USP15: variants seen among roughly 807,000 people sequenced by gnomAD.
USP15 encodes ubiquitin specific peptidase 15.
A neutral mutation model predicts 127.1 loss-of-function variants in USP15; 18 were observed. That is an observed-to-expected ratio of 0.14 (90% CI 0.10 to 0.21). USP15 has a LOEUF of 0.21. Among genes scored for constraint, USP15 ranks in the 10% least tolerant of loss-of-function variants. The probability of loss-of-function intolerance (pLI) is 1.00; values close to 1 mark genes in which losing one functional copy is unlikely to be tolerated. For synonymous variants in USP15, 364 were observed against 393.7 expected, an observed-to-expected ratio of 0.92 and a Z score of 0.89; for missense variants, 805 against 1,159.9, an observed-to-expected ratio of 0.69 and a Z score of 4.44.
intron 1 of USP15, among the ~76,000 whole-genome samples, chr12:62,280,668 C>G (rs2137089902): frequency 6.6e-6 from 1 of 152,184 alleles, no homozygotes; most frequent in East Asian, 1.9e-4. Flanking sequence ...AACATTAATT[C>G]TGGGGGAGGA....
intron 8 of USP15, among the ~76,000 whole-genome samples, chr12:62,380,240 GA>G (rs2066949256): frequency 6.6e-6 from 1 of 151,724 alleles, no homozygotes; most frequent in Admixed American, 6.6e-5. Flanking sequence ...TTATTATATA[GA>G]AAGTTTCTAA....
At chr12:62,381,798 A>G in intron 9 of USP15, 135 bp downstream of exon 9, 1 of 704,374 alleles carries the variant, frequency 1.4e-6, no homozygotes. Context: ...ACATAAATAG[A>G]TATACAGTAC....
rs539250399 is a variant in USP15 at position 62,331,778 on chromosome 12, C to CA, written c.683+5853dup. ...TTTAAAACATGTAGTCATTTAGTTA[C>CA]AAAAAAAATATGTGTATATGCTTTT... is the stretch of plus-strand genomic sequence containing the variant. On this transcript the variant is annotated intron_variant, in intron 6 of 21. Transcript: ENST00000280377. 2.8e-3 allele frequency among the ~76,000 whole-genome samples: 432 copies of CA among 151,750 alleles called. 1 individual carries two copies. Among genetic ancestry groups the CA allele is most frequent in the African/African-American group, 9.7e-3 (403 of 41,418 alleles).
chr12:62,282,970 C>A (rs915003715), intron 1 of USP15, among the ~76,000 whole-genome samples: 19 of 152,058 alleles, frequency 1.2e-4, no homozygotes, highest in Non-Finnish European at 1.0e-4. Context: ...TTAATGTTAT[C>A]TCAAGTCCAT....
chr12:62,330,173 TAGG>T (rs1230086497), intron 6 of USP15, among the ~76,000 whole-genome samples: 14 of 151,590 alleles, frequency 9.2e-5, no homozygotes, highest in Admixed American at 5.3e-4. Flanking sequence ...GTAGAGATAA[TAGG>T]AGGAAAGAGG....
At chr12:62,390,276 T>A (rs1241059014) in intron 14 of USP15, among the ~76,000 whole-genome samples, 1 of 152,192 alleles carries the variant, frequency 6.6e-6, no homozygotes, top group Non-Finnish European at 1.5e-5. Context: ...ATGTGTTACA[T>A]GTTCATTCTG....
rs750017498 is a variant in USP15, at chr12:62,404,414, T to C, written c.*39T>C. 1 of 1,512,032 alleles carries C rather than the reference T, an allele frequency of 6.6e-7. No homozygotes were observed. Among genetic ancestry groups the C allele is most frequent in the Non-Finnish European group, 8.9e-7 (1 of 1,126,960 alleles). The allele number at this position is 1,512,032 out of a possible 1,614,324, so 93.7% of individuals were successfully genotyped here. ...AGCCATAAAAGAGACACTTTCCTGC[T>C]GGTGGTATCTATGGAAATGATGAAG... is the stretch of plus-strand genomic sequence containing the variant. On this transcript the variant is annotated 3_prime_UTR_variant, in exon 22 of 22. Coordinates refer to ENST00000280377, the MANE Select transcript of USP15 (RefSeq NM_001252078.2).
chr12:62,280,683 C>CA (rs1386876935), intron 1 of USP15, among the ~76,000 whole-genome samples: 5 of 152,102 alleles, frequency 3.3e-5, no homozygotes, highest in Admixed American at 6.5e-5. Flanking sequence ...GGAGGAGACA[C>CA]ACGCATTCAG....
At chr12:62,392,948 C>T (rs2067370358) in intron 18 of USP15, 105 bp from the exon 19 acceptor site, 11 of 1,260,842 alleles carry the variant, frequency 8.7e-6, no homozygotes, top group African/African-American at 3.1e-5. Context: ...CTATAATTGC[C>T]CACTGAATAA....
chr12:62,391,920 CT>C (rs746007535), intron 17 of USP15, 34 bp downstream of exon 17: 1 of 1,540,980 alleles, frequency 6.5e-7, no homozygotes, highest in Non-Finnish European at 8.9e-7. Flanking sequence ...TTTACCTTTC[CT>C]TGATTTACTT....
chr12:62,271,428 A>G (rs2063342675), intron 1 of USP15, among the ~76,000 whole-genome samples: 1 of 151,994 alleles, frequency 6.6e-6, no homozygotes, highest in Admixed American at 6.6e-5. Context: ...TTTTGATGGT[A>G]TGTATATAGA....
At position 62,260,437 on chromosome 12, in the gene USP15, A is replaced by G. The variant is rs199606121; in HGVS notation, c.23A>G (p.Asp8Gly). Reference protein sequence around the residue: MAEGGAADLDTQRSDIAT... With the variant: MAEGGAAGLDTQRSDIAT... ...AAGATGGCGGAAGGCGGAGCGGCGG[A>G]TCTGGACACCCAGCGGTCTGACATC... The change falls in exon 1 of 22, where the codon GAT becomes GGT. Residue 8 changes from aspartate (D) to glycine (G), a missense_variant. Asp to Gly is a moderately conservative substitution (Grantham distance 94, BLOSUM62 -1). Around this residue, in one of 11 missense-constraint regions of USP15, gnomAD observed 45 missense variants for 37.8 expected, o/e 1.19. Transcript: ENST00000280377. 6.4e-7 allele frequency: 1 copy of G among 1,551,620 alleles called. No individual in the cohort carries two copies. Among genetic ancestry groups the G allele is most frequent in the Admixed American group, 2.0e-5 (1 of 51,170 alleles).
intron 8 of USP15, among the ~76,000 whole-genome samples, chr12:62,359,968 G>C (rs2066263981): frequency 6.6e-6 from 1 of 152,032 alleles, no homozygotes; most frequent in African/African-American, 2.4e-5. Flanking sequence ...TCTAGAGAAT[G>C]CCCAGTTTTT....
At chr12:62,361,321 G>A (rs1410660624) in intron 8 of USP15, among the ~76,000 whole-genome samples, 3 of 152,030 alleles carry the variant, frequency 2.0e-5, no homozygotes, top group African/African-American at 7.2e-5. Flanking sequence ...CAGTGAATAA[G>A]CAAAATTCCC....
chr12:62,284,583 A>G (rs1305861692), intron 1 of USP15, among the ~76,000 whole-genome samples: 2 of 152,190 alleles, frequency 1.3e-5, no homozygotes, highest in African/African-American at 4.8e-5. Context: ...TATGGTAAGC[A>G]TAGAAAAGAA....
At chr12:62,371,282 G>A (rs754216396) in intron 8 of USP15, among the ~76,000 whole-genome samples, 4 of 152,118 alleles carry the variant, frequency 2.6e-5, no homozygotes, top group Non-Finnish European at 4.4e-5. Context: ...CCCTACTTGC[G>A]TTTTTCATAC....
At chr12:62,386,684 CG>C (rs779166444) in intron 11 of USP15, among the ~76,000 whole-genome samples, 13 of 152,082 alleles carry the variant, frequency 8.5e-5, no homozygotes, top group Non-Finnish European at 1.8e-4. Flanking sequence ...AGCTAGATCA[CG>C]AAGAACTTTG....
At chr12:62,372,943 G>C (rs983146079) in intron 8 of USP15, among the ~76,000 whole-genome samples, 1 of 151,888 alleles carries the variant, frequency 6.6e-6, no homozygotes, top group Non-Finnish European at 1.5e-5. Flanking sequence ...ATATGAAAAA[G>C]TTTTAAAATT....
At chr12:62,385,714 C>T (rs1325290691) in intron 11 of USP15, among the ~76,000 whole-genome samples, 11 of 151,916 alleles carry the variant, frequency 7.2e-5, no homozygotes, top group Admixed American at 6.6e-4. Context: ...CTTATTCACT[C>T]GTTTATAAGT....
Sources: allele counts gnomAD v4.1 joint callset (sites outside exome capture counted in the v4.1 genomes callset), GRCh38; gene constraint gnomAD v4.1.1; regional missense constraint gnomAD v4.1.1; transcripts MANE v1.5; gene names NCBI Gene and HGNC (gene_info 2026-07-23, HGNC 2026-07-21).